Variants in PPP3CC observed in about 807,000 individuals in gnomAD.
PPP3CC encodes the protein protein phosphatase 3 catalytic subunit gamma.
PPP3CC carries 35 observed loss-of-function variants against 60.3 expected under a neutral mutation model. That is an observed-to-expected ratio of 0.58 (90% CI 0.44 to 0.77). PPP3CC has a LOEUF of 0.77. PPP3CC is among the 30% of genes least tolerant of loss of function. The probability of loss-of-function intolerance (pLI) is 0.00; values close to 1 mark genes in which losing one functional copy is unlikely to be tolerated. For missense variants in PPP3CC, 570 were observed against 628.9 expected (o/e 0.91, Z 1.00); for synonymous variants, 206 against 224.3 (o/e 0.92, Z 0.73).
At chr8:22,505,964 AC>A (rs1395174458) in intron 4 of PPP3CC, among the ~76,000 whole-genome samples, 1 of 151,430 alleles carries the variant, frequency 6.6e-6, no homozygotes, top group African/African-American at 2.4e-5. Context: ...ATATAGGCAA[AC>A]TTGTGTCATA....
At chr8:22,525,541 TCC>T (rs745991987) in intron 8 of PPP3CC, among the ~76,000 whole-genome samples, 1,825 of 63,916 alleles carry the variant, frequency 0.029, 20 homozygotes, top group African/African-American at 0.041. Flanking sequence ...TTTCTTTCTC[TCC>T]CTCTCTCTCT....
chr8:22,519,690 T>C (rs1268193013), intron 6 of PPP3CC, among the ~76,000 whole-genome samples: 14 of 152,236 alleles, frequency 9.2e-5, no homozygotes, highest in African/African-American at 3.1e-4. Flanking sequence ...GGTCTTGCTC[T>C]GTCACCTAGG....
At chr8:22,497,010 T>C (rs1586834398) in intron 3 of PPP3CC, among the ~76,000 whole-genome samples, 1 of 152,216 alleles carries the variant, frequency 6.6e-6, no homozygotes, top group Admixed American at 6.5e-5. Flanking sequence ...CTGTTGATTT[T>C]TTCTGTATAA....
intron 1 of PPP3CC, among the ~76,000 whole-genome samples, chr8:22,472,783 C>G (rs1178244738): frequency 6.6e-6 from 1 of 152,166 alleles, no homozygotes; most frequent in Non-Finnish European, 1.5e-5. Context: ...AAACCCTTCA[C>G]TGTGAGTTTT....
At chr8:22,512,672 A>G (rs1198613286) in intron 5 of PPP3CC, among the ~76,000 whole-genome samples, 2 of 152,246 alleles carry the variant, frequency 1.3e-5, no homozygotes, top group Non-Finnish European at 2.9e-5. Flanking sequence ...CTAAAATAGT[A>G]TATCTCTATA....
chr8:22,505,427 G>T (rs183739152), intron 4 of PPP3CC, among the ~76,000 whole-genome samples: 1 of 152,120 alleles, frequency 6.6e-6, no homozygotes, highest in African/African-American at 2.4e-5. Context: ...TATGACAACT[G>T]GATTTTTTAA....
intron 1 of PPP3CC, among the ~76,000 whole-genome samples, chr8:22,457,494 G>C (rs886627615): frequency 6.6e-6 from 1 of 151,886 alleles, no homozygotes; most frequent in Non-Finnish European, 1.5e-5. Flanking sequence ...AGTAGAGATA[G>C]GGAGGGTTTC....
At chr8:22,492,150 C>T (rs1586829296) in intron 3 of PPP3CC, among the ~76,000 whole-genome samples, 2 of 151,634 alleles carry the variant, frequency 1.3e-5, no homozygotes, top group South Asian at 2.1e-4. Context: ...CAAACCTGTA[C>T]AGCATGTTAT....
intron 1 of PPP3CC, among the ~76,000 whole-genome samples, chr8:22,450,122 G>C (rs1836965501): frequency 6.6e-6 from 1 of 152,008 alleles, no homozygotes; most frequent in Non-Finnish European, 1.5e-5. Flanking sequence ...GCCCACCTTG[G>C]TCTCCCAAAG....
At chr8:22,458,537 G>T (rs1163200559) in intron 1 of PPP3CC, among the ~76,000 whole-genome samples, 2 of 151,918 alleles carry the variant, frequency 1.3e-5, no homozygotes, top group Non-Finnish European at 2.9e-5. Context: ...GGCAGAGGTT[G>T]CAGTGAGCTG....
At chr8:22,528,439 A>G (rs1472402114) in intron 9 of PPP3CC, 67 bp from the exon 10 acceptor site, 29 of 1,054,584 alleles carry the variant, frequency 2.7e-5, no homozygotes, top group Non-Finnish European at 3.9e-5. Flanking sequence ...TTATTTAGAT[A>G]TCCACATTAT....
chr8:22,461,231 G>T (rs1837353822), intron 1 of PPP3CC, among the ~76,000 whole-genome samples: 3 of 152,132 alleles, frequency 2.0e-5, no homozygotes, highest in Non-Finnish European at 4.4e-5. Flanking sequence ...ATGATAAGGG[G>T]TTTTTAAACT....
At chr8:22,460,045 A>G (rs980726428) in intron 1 of PPP3CC, among the ~76,000 whole-genome samples, 3 of 152,174 alleles carry the variant, frequency 2.0e-5, no homozygotes, top group Non-Finnish European at 4.4e-5. Context: ...AGTATAACTG[A>G]TTATAAAATA....
intron 3 of PPP3CC, among the ~76,000 whole-genome samples, chr8:22,481,710 T>C (rs1838075539): frequency 6.6e-6 from 1 of 151,848 alleles, no homozygotes; most frequent in Non-Finnish European, 1.5e-5. Context: ...CACCTACCAA[T>C]AGGCCCCAGT....
At chr8:22,511,287 T>TTTG in intron 5 of PPP3CC, 56 bp downstream of exon 5, 2 of 1,543,622 alleles carry the variant, frequency 1.3e-6, no homozygotes, top group Non-Finnish European at 8.9e-7. Context: ...GTTGGGTTTT[T>TTTG]TTGTTGTTGT....
intron 4 of PPP3CC, among the ~76,000 whole-genome samples, chr8:22,503,524 A>G (rs1563750716): frequency 6.6e-6 from 1 of 151,814 alleles, no homozygotes; most frequent in Non-Finnish European, 1.5e-5. Context: ...GTCTTATCAG[A>G]TTTTTTTTAT....
intron 8 of PPP3CC, among the ~76,000 whole-genome samples, chr8:22,525,169 T>C (rs566619339): frequency 6.6e-6 from 1 of 151,894 alleles, no homozygotes. Flanking sequence ...AAAAAAAAAG[T>C]AAAAGCCACA....
intron 5 of PPP3CC, among the ~76,000 whole-genome samples, chr8:22,512,262 C>T (rs1189478771): frequency 3.9e-5 from 6 of 152,206 alleles, no homozygotes; most frequent in Non-Finnish European, 7.3e-5. Flanking sequence ...TGGCTTTCCT[C>T]TTGCCTTACT....
At chr8:22,467,073 T>C (rs1837542889) in intron 1 of PPP3CC, among the ~76,000 whole-genome samples, 1 of 152,156 alleles carries the variant, frequency 6.6e-6, no homozygotes, top group African/African-American at 2.4e-5. Flanking sequence ...GAAAATAAAA[T>C]GTGCTACAGA....
Sources: allele counts gnomAD v4.1 joint callset (sites outside exome capture counted in the v4.1 genomes callset), GRCh38; gene constraint gnomAD v4.1.1; transcripts MANE v1.5; gene names NCBI Gene and HGNC (gene_info 2026-07-23, HGNC 2026-07-21).